Variants in PLCB1 observed in about 807,000 individuals in gnomAD.
The protein encoded by PLCB1 is phospholipase C beta 1.
A neutral mutation model predicts 161.8 loss-of-function variants in PLCB1; 46 were observed. The observed-to-expected ratio is 0.28, with a 90% CI of 0.22 to 0.36. The LOEUF is 0.36. Among genes scored for constraint, PLCB1 ranks in the 10% least tolerant of loss-of-function variants. The pLI, the probability that PLCB1 is intolerant of heterozygous loss-of-function variation, is 1.00. For synonymous variants in PLCB1, 517 were observed against 503.7 expected (o/e 1.03, Z -0.35); for missense variants, 1,016 against 1,472.5 (o/e 0.69, Z 5.07).
intron 31 of PLCB1, among the ~76,000 whole-genome samples, chr20:8,815,558 T>C (rs1450719902): frequency 6.6e-6 from 1 of 151,094 alleles, no homozygotes; most frequent in Non-Finnish European, 1.5e-5. Flanking sequence ...GCTGACACTT[T>C]CATTTAGCCG....
chr20:8,831,913 TCTTTCTTTCTTTCTTTCTTTC>T (rs1986008948), intron 31 of PLCB1, among the ~76,000 whole-genome samples: 1 of 3,502 alleles, frequency 2.9e-4, no homozygotes, highest in Non-Finnish European at 7.2e-4. Context: ...TCTTTCTTTC[TCTTTCTTTCTTTCTTTCTTTC>T]TTTCTTTCTT....
At chr20:8,439,551 T>C (rs1381214615) in intron 3 of PLCB1, among the ~76,000 whole-genome samples, 3 of 152,216 alleles carry the variant, frequency 2.0e-5, no homozygotes, top group East Asian at 1.9e-4. Context: ...ATTTAGACCA[T>C]GTTCTAAACA....
chr20:8,245,050 G>GA (rs1331620108), intron 2 of PLCB1, among the ~76,000 whole-genome samples: 1 of 151,568 alleles, frequency 6.6e-6, no homozygotes, highest in African/African-American at 2.4e-5. Context: ...CATTGAAGAA[G>GA]AAAAAATGTG....
chr20:8,156,200 C>T (rs2051559803), intron 2 of PLCB1, among the ~76,000 whole-genome samples: 1 of 152,222 alleles, frequency 6.6e-6, no homozygotes, highest in Non-Finnish European at 1.5e-5. Flanking sequence ...GCAATTCACA[C>T]TCACCCTCAC....
At chr20:8,264,939 G>A (rs1352122943) in intron 2 of PLCB1, among the ~76,000 whole-genome samples, 2 of 152,146 alleles carry the variant, frequency 1.3e-5, no homozygotes, top group African/African-American at 2.4e-5. Flanking sequence ...TGTATGGTTG[G>A]AGATGCATTT....
chr20:8,849,205 G>C (rs990413988), intron 31 of PLCB1, among the ~76,000 whole-genome samples: 2 of 152,156 alleles, frequency 1.3e-5, no homozygotes, highest in Non-Finnish European at 2.9e-5. Context: ...TGACTAATGA[G>C]AGATTATTCA....
In PLCB1 at chr20:8,191,928, A is replaced by G. The variant is rs377494175; in HGVS notation, c.177+41557A>G. Among the ~76,000 whole-genome samples, 7 of 152,154 alleles carry G rather than the reference A, an allele frequency of 4.6e-5. No individual in the cohort carries two copies. In the East Asian group the frequency reaches 9.7e-4, roughly 21 times the overall value. On this transcript the variant is annotated intron_variant, in intron 2 of 31. Coordinates refer to ENST00000338037, the MANE Select transcript of PLCB1 (RefSeq NM_015192.4). ...TACCACTTGTAAAGCAGGTTTGAATAAAAGATGCAAGGAAGGTTGACTTCA... is the reference window on the plus strand; with the variant it reads ...TACCACTTGTAAAGCAGGTTTGAATGAAAGATGCAAGGAAGGTTGACTTCA...
chr20:8,510,583 G>C (rs1983844166), intron 3 of PLCB1, among the ~76,000 whole-genome samples: 1 of 151,842 alleles, frequency 6.6e-6, no homozygotes, highest in Non-Finnish European at 1.5e-5. Flanking sequence ...TAGAGGCGAG[G>C]TTTCGCCATG....
chr20:8,661,172 C>G (rs771858599), intron 9 of PLCB1, among the ~76,000 whole-genome samples: 21 of 152,086 alleles, frequency 1.4e-4, no homozygotes, highest in Middle Eastern at 3.2e-3. Context: ...ATTTCTGGGC[C>G]TTAAACTTTC....
At chr20:8,813,685 G>T (rs1984943073) in intron 31 of PLCB1, among the ~76,000 whole-genome samples, 1 of 152,112 alleles carries the variant, frequency 6.6e-6, no homozygotes, top group African/African-American at 2.4e-5. Context: ...TAAAAAATTA[G>T]CTGGGCATGG....
In PLCB1 at chr20:8,403,159, T is replaced by TA. The variant is rs552773033; in HGVS notation, c.246+31716dup. 4.3e-4 allele frequency among the ~76,000 whole-genome samples: 66 copies of TA among 152,146 alleles called. No individual in the cohort carries two copies. The East Asian group carries it at 0.011, about 25-fold the overall frequency. On this transcript the variant is annotated intron_variant, in intron 3 of 31. Coordinates refer to ENST00000338037, the MANE Select transcript of PLCB1 (RefSeq NM_015192.4). ...TCACTGTGTGAAGTCCCAAATGATA[T>TA]AAAAAAAGAAATAAAACATAGTTCT...
chr20:8,501,833 T>C (rs1302552111), intron 3 of PLCB1, among the ~76,000 whole-genome samples: 2 of 145,922 alleles, frequency 1.4e-5, no homozygotes, highest in Non-Finnish European at 3.0e-5. Flanking sequence ...GTATGCGGTA[T>C]GCCACTATTT....
At chr20:8,870,396 C>T (rs1987571017) in intron 31 of PLCB1, among the ~76,000 whole-genome samples, 2 of 152,172 alleles carry the variant, frequency 1.3e-5, no homozygotes, top group African/African-American at 2.4e-5. Flanking sequence ...AATCTCTAGA[C>T]ACCTGTGAGA....
In PLCB1 at chr20:8,833,290, A is replaced by G. The variant is rs1048833149; in HGVS notation, c.3423+43029A>G. Among the ~76,000 whole-genome samples, 4 of 152,222 alleles carry G rather than the reference A, an allele frequency of 2.6e-5. No homozygotes were observed. The East Asian group carries it at 5.8e-4, about 22-fold the overall frequency. On this transcript the variant is annotated intron_variant, in intron 31 of 31. Coordinates refer to ENST00000338037, the MANE Select transcript of PLCB1 (RefSeq NM_015192.4). ...GAAGAGCAAAGGCATGTCTTACATGACGACAGGCAAAAGAGCATGTGCAGG... is the reference window on the plus strand; with the variant it reads ...GAAGAGCAAAGGCATGTCTTACATGGCGACAGGCAAAAGAGCATGTGCAGG...
At chr20:8,680,714 T>C (rs1187146703) in intron 9 of PLCB1, among the ~76,000 whole-genome samples, 1 of 152,140 alleles carries the variant, frequency 6.6e-6, no homozygotes, top group Non-Finnish European at 1.5e-5. Flanking sequence ...TTTAGGTAAA[T>C]TCCTTCACCA....
intron 2 of PLCB1, among the ~76,000 whole-genome samples, chr20:8,166,120 C>T (rs2051672483): frequency 6.6e-6 from 1 of 152,172 alleles, no homozygotes; most frequent in Admixed American, 6.5e-5. Flanking sequence ...CCTCTTGACC[C>T]TCACTGGCTA....
At chr20:8,306,767 G>A (rs2123329614) in intron 2 of PLCB1, among the ~76,000 whole-genome samples, 1 of 152,192 alleles carries the variant, frequency 6.6e-6, no homozygotes, top group Middle Eastern at 3.4e-3. Context: ...ACAGTTTAAG[G>A]AATCTTTTAA....
chr20:8,799,955 A>G (rs1984207892), intron 31 of PLCB1, among the ~76,000 whole-genome samples: 1 of 152,230 alleles, frequency 6.6e-6, no homozygotes, highest in African/African-American at 2.4e-5. Context: ...GTACAGACAC[A>G]ACCATCCACT....
At position 8,420,195 on chromosome 20, in the gene PLCB1, A is replaced by T. The variant is rs373993486; in HGVS notation, c.246+48745A>T. ...AATGAAAATGAGAGAAGCTCCCAAA[A>T]TGATCTAGATGAGACAATCAGGTGG... On this transcript the variant is annotated intron_variant, in intron 3 of 31. Transcript: ENST00000338037. 2.6e-5 allele frequency among the ~76,000 whole-genome samples: 4 copies of T among 152,144 alleles called. No homozygotes were observed. In the East Asian group the frequency reaches 5.8e-4, roughly 22 times the overall value.
Sources: allele counts gnomAD v4.1 joint callset (sites outside exome capture counted in the v4.1 genomes callset), GRCh38; gene constraint gnomAD v4.1.1; transcripts MANE v1.5; gene names NCBI Gene and HGNC (gene_info 2026-07-23, HGNC 2026-07-21).